The following SNPH variants were observed in gnomAD, a reference collection of about 807,000 sequenced individuals.
The protein encoded by SNPH is syntaphilin.
In SNPH, 10 loss-of-function variants were observed where a neutral mutation model predicts 36.8. That is an observed-to-expected ratio of 0.27 (90% confidence interval 0.17 to 0.46). SNPH has a LOEUF of 0.46. Among genes scored for constraint, SNPH ranks in the 20% least tolerant of loss-of-function variants. The probability of loss-of-function intolerance (pLI) is 1.00; values close to 1 mark genes in which losing one functional copy is unlikely to be tolerated. For missense variants in SNPH, 622 were observed against 744.0 expected, an observed-to-expected ratio of 0.84 and a Z score of 1.91; for synonymous variants, 281 against 312.2, an observed-to-expected ratio of 0.90 and a Z score of 1.05.
Position 1,266,640 on chromosome 20 carries a change from T to A in SNPH, c.-599-14T>A. Reference sequence around the variant, plus strand: ...TCACCCGCCCCGGTCTATCTCTTTTTCCTAACCCCGCAGGTCGCTGATCAG... The same window carrying A: ...TCACCCGCCCCGGTCTATCTCTTTTACCTAACCCCGCAGGTCGCTGATCAG... On this transcript the variant is annotated splice_polypyrimidine_tract_variant and intron_variant, in intron 1 of 6. Transcript: ENST00000381867. The surrounding 1 kb of genome is among the most constrained non-coding windows in gnomAD (Gnocchi z 6.0). 1 of 1,486,726 alleles carries A rather than the reference T, an allele frequency of 6.7e-7. No homozygotes were observed. Among genetic ancestry groups the A allele is most frequent in the Non-Finnish European group, 8.9e-7 (1 of 1,121,042 alleles). The allele number at this position is 1,486,726 out of a possible 1,614,324, so 92.1% of individuals were successfully genotyped here. A position where few individuals can be genotyped will look rare whatever the true frequency, so the allele number is the denominator to read the frequency against.
chr20:1,292,143 A>G (rs1239328480), intron 2 of SNPH, among the ~76,000 whole-genome samples: 1 of 147,690 alleles, frequency 6.8e-6, no homozygotes, highest in Non-Finnish European at 1.5e-5. Flanking sequence ...TTCCCAGGGG[A>G]TGGTGTTCCC....
At chr20:1,293,357 G>A (rs1011659822) in intron 2 of SNPH, among the ~76,000 whole-genome samples, 4 of 152,136 alleles carry the variant, frequency 2.6e-5, no homozygotes, top group Admixed American at 2.6e-4. Context: ...CAGGGGCTGG[G>A]TTTACTCTGG....
At chr20:1,278,294 T>A (rs1164975877) in intron 2 of SNPH, among the ~76,000 whole-genome samples, 1 of 152,136 alleles carries the variant, frequency 6.6e-6, no homozygotes, top group Non-Finnish European at 1.5e-5. Context: ...TTTGTGTTGT[T>A]TGCCTGGCTT....
At chr20:1,272,058 T>G (rs2088079133) in intron 2 of SNPH, among the ~76,000 whole-genome samples, 1 of 152,248 alleles carries the variant, frequency 6.6e-6, no homozygotes, top group South Asian at 2.1e-4. Flanking sequence ...AATATTTCTA[T>G]TCCCCCAAGT....
At position 1,295,579 on chromosome 20, in the gene SNPH, A is replaced by G. The variant is rs565522742; in HGVS notation, c.-464-197A>G. Among the ~76,000 whole-genome samples the G allele has an allele frequency of 1.1e-3, 173 of 152,342 alleles. 1 individual carries two copies. Among genetic ancestry groups the G allele is most frequent in the Middle Eastern group, 6.8e-3 (2 of 294 alleles). On this transcript the variant is annotated intron_variant, in intron 3 of 6. Transcript: ENST00000381867. Reference sequence around the variant, plus strand: ...GCGCATTACATGGGTGGGTGCGGACATGCCTGTGTGCCGCATGGGTGCGGG... The same window carrying G: ...GCGCATTACATGGGTGGGTGCGGACGTGCCTGTGTGCCGCATGGGTGCGGG...
At chr20:1,291,604 G>A (rs1476746942) in intron 2 of SNPH, among the ~76,000 whole-genome samples, 1 of 151,754 alleles carries the variant, frequency 6.6e-6, no homozygotes, top group Non-Finnish European at 1.5e-5. Context: ...GGAATGTTCT[G>A]CGTTCTAGTG....
intron 2 of SNPH, among the ~76,000 whole-genome samples, chr20:1,282,855 A>G (rs1182091076): frequency 6.6e-6 from 1 of 152,212 alleles, no homozygotes; most frequent in African/African-American, 2.4e-5. Context: ...GGTCAGCCCT[A>G]TGCTAAGAAC....
Position 1,307,493 on chromosome 20 carries a change from C to T in SNPH, c.*1439C>T, listed in dbSNP as rs376017589. The T allele has an allele frequency of 2.6e-5, 4 of 152,428 alleles. No homozygotes were observed. In the East Asian group the frequency reaches 7.7e-4, roughly 29 times the overall value. The allele number at this position is 152,428 out of a possible 1,614,324, so 9.4% of individuals were successfully genotyped here. A position where few individuals can be genotyped will look rare whatever the true frequency, so the allele number is the denominator to read the frequency against. ...CAGGGGTTACACCCATCTGGTTGTC[C>T]CACCCACTCTTCAGAGGCTAGGCCC... On this transcript the variant is annotated 3_prime_UTR_variant, in exon 7 of 7. Coordinates refer to ENST00000381867, the MANE Select transcript of SNPH (RefSeq NM_001318234.2).
intron 2 of SNPH, among the ~76,000 whole-genome samples, chr20:1,284,295 C>A (rs2088259791): frequency 6.6e-6 from 1 of 152,160 alleles, no homozygotes. Context: ...GCTAAGAGGC[C>A]TACACTTACT....
intron 2 of SNPH, among the ~76,000 whole-genome samples, chr20:1,273,022 T>G (rs2088090491): frequency 6.6e-6 from 1 of 152,222 alleles, no homozygotes; most frequent in Non-Finnish European, 1.5e-5. Context: ...GAAGCCACCT[T>G]TGAGAAAGAG....
intron 2 of SNPH, among the ~76,000 whole-genome samples, chr20:1,277,747 CTG>C (rs748590263): frequency 3.3e-3 from 328 of 99,510 alleles, no homozygotes; most frequent in East Asian, 4.8e-3. Flanking sequence ...TGTCGTGTGT[CTG>C]TGTGTGTGTG....
At chr20:1,280,326 C>G (rs1348380208) in intron 2 of SNPH, among the ~76,000 whole-genome samples, 2 of 152,180 alleles carry the variant, frequency 1.3e-5, no homozygotes, top group Non-Finnish European at 2.9e-5. Flanking sequence ...ACGATGTGCT[C>G]TAGCTGTGAA....
At chr20:1,279,618 C>CCTTTTTTTT (rs2088192235) in intron 2 of SNPH, among the ~76,000 whole-genome samples, 1 of 123,088 alleles carries the variant, frequency 8.1e-6, no homozygotes, top group Non-Finnish European at 1.7e-5. Flanking sequence ...ACTCCGGCTT[C>CCTTTTTTTT]TTTTTTTTTT....
In SNPH at chr20:1,306,174, C is replaced by A; in HGVS notation, c.*120C>A. 1.1e-6 allele frequency: 1 copy of A among 897,254 alleles called. No homozygotes were observed. Among genetic ancestry groups the A allele is most frequent in the South Asian group, 2.5e-5 (1 of 39,226 alleles). 55.6% of individuals were successfully genotyped at this position (897,254 alleles called of 1,614,324 possible). ...TTTAGTTTTGGGTGTGGAACTGTTTCTTTTTTTCAAGATGTTAAAACAGTC... is the reference window on the plus strand; with the variant it reads ...TTTAGTTTTGGGTGTGGAACTGTTTATTTTTTTCAAGATGTTAAAACAGTC... On this transcript the variant is annotated 3_prime_UTR_variant, in exon 7 of 7. Transcript: ENST00000381867.
chr20:1,273,618 T>A (rs949901673), intron 2 of SNPH, among the ~76,000 whole-genome samples: 2 of 152,176 alleles, frequency 1.3e-5, no homozygotes, highest in Admixed American at 1.3e-4. Context: ...GTCTTCTGAG[T>A]ATGAGGTGCT....
chr20:1,291,315 G>T (rs909985658), intron 2 of SNPH, among the ~76,000 whole-genome samples: 1 of 152,250 alleles, frequency 6.6e-6, no homozygotes, highest in Non-Finnish European at 1.5e-5. Context: ...TTTGAGGGTG[G>T]CTTGTGTGGG....
intron 2 of SNPH, among the ~76,000 whole-genome samples, chr20:1,278,102 GTGTC>G (rs1172381522): frequency 7.5e-5 from 11 of 145,764 alleles, no homozygotes; most frequent in African/African-American, 3.0e-4. Context: ...GCCTATGTGT[GTGTC>G]TGTTTGTGTG....
chr20:1,281,413 T>C (rs1399030189), intron 2 of SNPH, among the ~76,000 whole-genome samples: 1 of 152,252 alleles, frequency 6.6e-6, no homozygotes, highest in Non-Finnish European at 1.5e-5. Context: ...GACCTTGAAC[T>C]GTAAACCTGA....
intron 2 of SNPH, among the ~76,000 whole-genome samples, chr20:1,279,993 A>G (rs1429342130): frequency 6.6e-6 from 1 of 152,134 alleles, no homozygotes; most frequent in Non-Finnish European, 1.5e-5. Context: ...GTCAGTGCCA[A>G]TGCCATCAAA....
Sources: allele counts gnomAD v4.1 joint callset (sites outside exome capture counted in the v4.1 genomes callset), GRCh38; gene constraint gnomAD v4.1.1; non-coding constraint Gnocchi (gnomAD v3.1); transcripts MANE v1.5; gene names NCBI Gene and HGNC (gene_info 2026-07-23, HGNC 2026-07-21).